NDST4: variants seen among roughly 807,000 people sequenced by gnomAD.
NDST4 encodes the protein N-deacetylase and N-sulfotransferase 4.
A neutral mutation model predicts 100.8 loss-of-function variants in NDST4; 63 were observed. That is an observed-to-expected ratio of 0.62 (90% CI 0.51 to 0.77). NDST4 has a LOEUF of 0.77. NDST4 is among the 30% of genes least tolerant of loss of function. The probability of loss-of-function intolerance (pLI) is 0.00; values close to 1 mark genes in which losing one functional copy is unlikely to be tolerated. For synonymous variants in NDST4, 377 were observed against 361.8 expected (o/e 1.04, Z -0.48); for missense variants, 943 against 1,018.4 (o/e 0.93, Z 1.01).
chr4:114,882,159 T>C (rs1055429480), intron 6 of NDST4, among the ~76,000 whole-genome samples: 1 of 152,018 alleles, frequency 6.6e-6, no homozygotes, highest in African/African-American at 2.4e-5. Flanking sequence ...TTTTTAGTTT[T>C]TAGTTTTCCT....
At chr4:114,871,049 C>T (rs1425735503) in intron 6 of NDST4, 99 bp from the exon 7 acceptor site, 1 of 732,352 alleles carries the variant, frequency 1.4e-6, no homozygotes, top group Non-Finnish European at 2.1e-6. Flanking sequence ...CTTGGAATTT[C>T]ACAAGAAGTA....
At chr4:114,956,891 C>A (rs371226735) in intron 4 of NDST4, among the ~76,000 whole-genome samples, 1 of 151,898 alleles carries the variant, frequency 6.6e-6, no homozygotes, top group South Asian at 2.1e-4. Flanking sequence ...TAAAAAAATA[C>A]AAGATATACA....
chr4:115,022,509 C>CATATATATGTTCCAT (rs1553918306), intron 2 of NDST4, among the ~76,000 whole-genome samples: 11 of 132,192 alleles, frequency 8.3e-5, no homozygotes, highest in Admixed American at 2.3e-4. Flanking sequence ...ATATATGTTC[C>CATATATATGTTCCAT]ATATATATAT....
intron 2 of NDST4, among the ~76,000 whole-genome samples, chr4:115,059,967 C>T (rs527286175): frequency 6.6e-6 from 1 of 152,056 alleles, no homozygotes; most frequent in African/African-American, 2.4e-5. Flanking sequence ...ACCTCTGCAA[C>T]CCTGTTATTT....
intron 2 of NDST4, among the ~76,000 whole-genome samples, chr4:114,986,815 TATATATATATATATA>T (rs1560845368): frequency 2.5e-4 from 31 of 123,874 alleles, no homozygotes; most frequent in African/African-American, 1.0e-3. Flanking sequence ...TATATATATA[TATATATATATATATA>T]TATTTTAATA....
intron 2 of NDST4, among the ~76,000 whole-genome samples, chr4:114,981,284 A>G (rs1726766898): frequency 6.6e-6 from 1 of 152,078 alleles, no homozygotes; most frequent in African/African-American, 2.4e-5. Context: ...CAGGAAAAAG[A>G]ATGAGAGTCC....
intron 4 of NDST4, among the ~76,000 whole-genome samples, chr4:114,968,137 T>G (rs1287077607): frequency 6.6e-6 from 1 of 152,170 alleles, no homozygotes; most frequent in East Asian, 1.9e-4. Flanking sequence ...GATCTGACAT[T>G]GGTCTGGGGA....
intron 6 of NDST4, among the ~76,000 whole-genome samples, chr4:114,879,978 C>A (rs1338687726): frequency 2.0e-5 from 3 of 152,144 alleles, no homozygotes; most frequent in East Asian, 3.9e-4. Flanking sequence ...TTGGTTAGTG[C>A]ATTATTAACA....
chr4:114,851,399 T>G (rs1723673182), intron 8 of NDST4, among the ~76,000 whole-genome samples: 1 of 152,202 alleles, frequency 6.6e-6, no homozygotes, highest in Non-Finnish European at 1.5e-5. Flanking sequence ...TTTGTTTGTC[T>G]TAGGAAAGCC....
intron 2 of NDST4, among the ~76,000 whole-genome samples, chr4:115,025,793 G>T (rs1727971058): frequency 6.6e-6 from 1 of 152,114 alleles, no homozygotes; most frequent in South Asian, 2.1e-4. Flanking sequence ...ACCCTGGGTT[G>T]AAATACAAAG....
intron 10 of NDST4, among the ~76,000 whole-genome samples, chr4:114,843,629 G>A (rs961488479): frequency 2.0e-5 from 3 of 151,876 alleles, no homozygotes; most frequent in South Asian, 2.1e-4. Context: ...CACATCTTTC[G>A]CTTTGCCTAA....
chr4:114,883,260 T>A (rs1578363881), intron 6 of NDST4, among the ~76,000 whole-genome samples: 1 of 152,148 alleles, frequency 6.6e-6, no homozygotes, highest in East Asian at 1.9e-4. Context: ...TGGGTGAGTA[T>A]AGCATTCAAG....
intron 6 of NDST4, among the ~76,000 whole-genome samples, chr4:114,894,837 G>A (rs200475036): frequency 1.3e-5 from 2 of 152,132 alleles, no homozygotes; most frequent in South Asian, 4.1e-4. Context: ...AAGGGAATGC[G>A]TTCACCTTTT....
intron 2 of NDST4, among the ~76,000 whole-genome samples, chr4:115,021,417 T>TATAC (rs1727817947): frequency 6.6e-6 from 1 of 151,548 alleles, no homozygotes; most frequent in African/African-American, 2.4e-5. Flanking sequence ...ACATTCCACA[T>TATAC]ACATTCCATA....
chr4:114,866,282 C>CA (rs1427629969), intron 7 of NDST4, among the ~76,000 whole-genome samples: 1 of 152,192 alleles, frequency 6.6e-6, no homozygotes, highest in African/African-American at 2.4e-5. Context: ...TTCCTATCTT[C>CA]AGCACCTCCC....
chr4:115,071,495 A>G (rs1465163601), intron 2 of NDST4, among the ~76,000 whole-genome samples: 2 of 152,144 alleles, frequency 1.3e-5, no homozygotes, highest in African/African-American at 2.4e-5. Context: ...GAGGAACAGA[A>G]TACCTCTTTC....
chr4:114,866,681 AAGTGTC>A (rs764566983), intron 7 of NDST4, among the ~76,000 whole-genome samples: 83 of 152,188 alleles, frequency 5.5e-4, no homozygotes, highest in Non-Finnish European at 9.4e-4. Context: ...TGACAAGCAT[AAGTGTC>A]TGCAATTCTG....
intron 6 of NDST4, among the ~76,000 whole-genome samples, chr4:114,872,107 A>G (rs1578356253): frequency 6.6e-6 from 1 of 151,992 alleles, no homozygotes; most frequent in Non-Finnish European, 1.5e-5. Flanking sequence ...AACTATTCCA[A>G]TGTTAATTTT....
intron 6 of NDST4, among the ~76,000 whole-genome samples, chr4:114,933,720 A>T (rs1172289662): frequency 1.3e-5 from 2 of 152,190 alleles, no homozygotes; most frequent in African/African-American, 2.4e-5. Context: ...TTCTCAAAGG[A>T]AGACATACAA....
Sources: allele counts gnomAD v4.1 joint callset (sites outside exome capture counted in the v4.1 genomes callset), GRCh38; gene constraint gnomAD v4.1.1; transcripts MANE v1.5; gene names NCBI Gene and HGNC (gene_info 2026-07-23, HGNC 2026-07-21).